The following DGKH variants were observed in gnomAD, a reference collection of about 807,000 sequenced individuals.
DGKH encodes the protein diacylglycerol kinase eta.
A neutral mutation model predicts 159.3 loss-of-function variants in DGKH; 90 were observed. The observed-to-expected ratio is 0.57, with a 90% confidence interval of 0.48 to 0.67. The LOEUF is 0.67. Among genes scored for constraint, DGKH ranks in the 30% least tolerant of loss-of-function variants. DGKH has a pLI of 0.00. For missense variants in DGKH, 1,181 were observed against 1,506.1 expected (o/e 0.78, Z 3.57); for synonymous variants, 536 against 553.8 (o/e 0.97, Z 0.45).
chr13:42,128,205 A>C (rs1955211333), intron 2 of DGKH, among the ~76,000 whole-genome samples: 1 of 152,240 alleles, frequency 6.6e-6, no homozygotes, highest in African/African-American at 2.4e-5. Flanking sequence ...AATAATAATA[A>C]TATAGTTTTG....
At chr13:42,066,809 T>A (rs1264599884) in intron 1 of DGKH, 1 of 152,170 alleles carries the variant, frequency 6.6e-6, no homozygotes, top group Non-Finnish European at 1.5e-5. Context: ...GGTTTTTTCC[T>A]AAAAGTAAAA....
intron 1 of DGKH, among the ~76,000 whole-genome samples, chr13:42,108,900 C>A (rs537226206): frequency 2.0e-5 from 3 of 151,928 alleles, no homozygotes; most frequent in Admixed American, 1.3e-4. Context: ...TTTTTTAAAG[C>A]GGTTTTGTCA....
rs1365836983 is a variant in DGKH at position 42,053,518 on chromosome 13, C to CTATATATAACTATATATGTA, written c.192+4611_192+4630dup. Among the ~76,000 whole-genome samples, 588 of 103,148 alleles carry CTATATATAACTATATATGTA rather than the reference C, an allele frequency of 5.7e-3. 17 individuals are homozygous for CTATATATAACTATATATGTA. Among genetic ancestry groups the CTATATATAACTATATATGTA allele is most frequent in the East Asian group, 0.056 (135 of 2,396 alleles). 67.7% of individuals were successfully genotyped at this position (103,148 alleles called of 152,430 possible). ...TGTATAGAACTGTAACTATACATAA[C>CTATATATAACTATATATGTA]TATATATAACTATATATGTATATAT... is the stretch of plus-strand genomic sequence containing the variant. On this transcript the variant is annotated intron_variant, in intron 1 of 29. Transcript: ENST00000337343.
At chr13:42,200,134 G>C (rs1957312205) in intron 20 of DGKH, among the ~76,000 whole-genome samples, 2 of 152,060 alleles carry the variant, frequency 1.3e-5, no homozygotes, top group Non-Finnish European at 2.9e-5. Flanking sequence ...GGCTACTCTG[G>C]AGTTGTGGTG....
At chr13:42,082,135 C>T (rs766705211) in intron 1 of DGKH, among the ~76,000 whole-genome samples, 4 of 151,800 alleles carry the variant, frequency 2.6e-5, no homozygotes, top group South Asian at 2.1e-4. Context: ...GGGCTGCACA[C>T]GTATCCTTCT....
chr13:42,100,617 A>T (rs1954635646), intron 1 of DGKH, among the ~76,000 whole-genome samples: 1 of 152,158 alleles, frequency 6.6e-6, no homozygotes, highest in Admixed American at 6.5e-5. Flanking sequence ...TTATTAATTG[A>T]CTTCATAATA....
chr13:42,170,856 T>C (rs1329658760), intron 11 of DGKH, among the ~76,000 whole-genome samples: 1 of 150,596 alleles, frequency 6.6e-6, no homozygotes, highest in Non-Finnish European at 1.5e-5. Context: ...GGCAGGAGAA[T>C]CGCTTGAACC....
Position 42,178,172 on chromosome 13 carries a change from C to A in DGKH, c.1490C>A (p.Thr497Lys). ...IYEDSVATHL[T>K]KILNSDEHAV... ...GAAGACTCAGTTGCAACGCATCTTA[C>A]AAAAATCCTCAATTCTGATGAACAT... The change falls in exon 13 of 30, where the codon ACA becomes AAA. Residue 497 changes from threonine (T) to lysine (K), a missense_variant. Transcript: ENST00000337343. 3 of 1,607,296 alleles carry A rather than the reference C, an allele frequency of 1.9e-6. No individual in the cohort carries two copies. The highest frequency in any genetic ancestry group is 2.2e-5 in the South Asian group (2 of 90,126).
intron 29 of DGKH, among the ~76,000 whole-genome samples, chr13:42,224,901 A>ATAT (rs1202033199): frequency 1.4e-4 from 20 of 144,264 alleles, no homozygotes; most frequent in African/African-American, 4.9e-4. Flanking sequence ...AAGGAAAAAA[A>ATAT]AAATATATAT....
intron 8 of DGKH, 50 bp from the exon 9 acceptor site, chr13:42,166,465 T>G: frequency 7.3e-7 from 1 of 1,367,266 alleles, no homozygotes; most frequent in Non-Finnish European, 9.6e-7. Flanking sequence ...TGCTAATAAT[T>G]TAAAAGAGAA....
rs1957970151 is a variant in DGKH, at chr13:42,221,410, T to C, written c.3573+16T>C. Reference sequence around the variant, plus strand: ...AGATCTTAAGGTATTTCCTTTGTGCTCTTCTGTTCTTGAAAATTTTATTGC... The same window carrying C: ...AGATCTTAAGGTATTTCCTTTGTGCCCTTCTGTTCTTGAAAATTTTATTGC... On this transcript the variant is annotated intron_variant, in intron 29 of 29. Transcript: ENST00000337343. 1 of 1,609,476 alleles carries C rather than the reference T, an allele frequency of 6.2e-7. No homozygotes were observed. The highest frequency in any genetic ancestry group is 8.5e-7 in the Non-Finnish European group (1 of 1,178,334).
chr13:42,228,509 A>G (rs1322399458), intron 29 of DGKH, among the ~76,000 whole-genome samples: 1 of 152,148 alleles, frequency 6.6e-6, no homozygotes, highest in Non-Finnish European at 1.5e-5. Flanking sequence ...TTTAAATTTA[A>G]TATTTTAGCA....
chr13:42,103,451 G>A (rs926214295), intron 1 of DGKH, among the ~76,000 whole-genome samples: 10 of 152,106 alleles, frequency 6.6e-5, no homozygotes, highest in Non-Finnish European at 2.9e-5. Context: ...TCATGTTGGC[G>A]AAGCACCTGG....
chr13:42,187,638 A>C (rs1367728411), intron 14 of DGKH, among the ~76,000 whole-genome samples: 1 of 152,104 alleles, frequency 6.6e-6, no homozygotes, highest in Non-Finnish European at 1.5e-5. Flanking sequence ...AGCCTCCCAA[A>C]ATGCTGGGAT....
intron 21 of DGKH, among the ~76,000 whole-genome samples, chr13:42,208,267 A>G (rs1466444090): frequency 6.6e-6 from 1 of 152,178 alleles, no homozygotes; most frequent in Non-Finnish European, 1.5e-5. Flanking sequence ...GATGCATATT[A>G]TTTATGATAT....
chr13:42,203,376 G>C (rs2138168964), intron 20 of DGKH, among the ~76,000 whole-genome samples: 1 of 152,272 alleles, frequency 6.6e-6, no homozygotes, highest in African/African-American at 2.4e-5. Context: ...TATAACTGAA[G>C]AAGGAAATTT....
At chr13:42,148,713 GT>G (rs1430490460) in intron 3 of DGKH, among the ~76,000 whole-genome samples, 4 of 152,092 alleles carry the variant, frequency 2.6e-5, no homozygotes, top group African/African-American at 9.7e-5. Context: ...TGGTTAAAAG[GT>G]TCCTCATAAT....
chr13:42,125,860 A>G (rs1172335082), intron 1 of DGKH, among the ~76,000 whole-genome samples: 1 of 152,212 alleles, frequency 6.6e-6, no homozygotes, highest in African/African-American at 2.4e-5. Context: ...TCTCATTATC[A>G]TATGTAGCAG....
At chr13:42,040,789 G>T (rs898152010) in intron 1 of DGKH, among the ~76,000 whole-genome samples, 1 of 147,572 alleles carries the variant, frequency 6.8e-6, no homozygotes, top group Non-Finnish European at 1.5e-5. Flanking sequence ...GAGGGACCGC[G>T]GCGAGGGAAG....
Sources: allele counts gnomAD v4.1 joint callset (sites outside exome capture counted in the v4.1 genomes callset), GRCh38; gene constraint gnomAD v4.1.1; transcripts MANE v1.5; gene names NCBI Gene and HGNC (gene_info 2026-07-23, HGNC 2026-07-21).